The following PRKG1 variants were observed in gnomAD, a reference collection of about 807,000 sequenced individuals.
PRKG1 encodes cGMP-dependent protein kinase 1.
PRKG1 carries 35 observed loss-of-function variants against 88.1 expected under a neutral mutation model. That is an observed-to-expected ratio of 0.40 (90% CI 0.30 to 0.53). The LOEUF is 0.53. PRKG1 is among the 20% of genes least tolerant of loss of function. The probability of loss-of-function intolerance (pLI) is 0.59; values close to 1 mark genes in which losing one functional copy is unlikely to be tolerated. For synonymous variants in PRKG1, 303 were observed against 292.5 expected (o/e 1.04, Z -0.37); for missense variants, 540 against 839.8 (o/e 0.64, Z 4.41).
At chr10:51,129,739 T>C (rs1004450576) in intron 1 of PRKG1, among the ~76,000 whole-genome samples, 1 of 152,194 alleles carries the variant, frequency 6.6e-6, no homozygotes, top group African/African-American at 2.4e-5. Context: ...AGCATTGAAT[T>C]TGATGCCTTT....
At chr10:51,712,505 T>C (rs945157863) in intron 3 of PRKG1, among the ~76,000 whole-genome samples, 1 of 152,010 alleles carries the variant, frequency 6.6e-6, no homozygotes, top group East Asian at 1.9e-4. Flanking sequence ...ATTTGGAAAA[T>C]TGAAGATTTA....
chr10:52,023,568 C>A (rs1845245241), intron 5 of PRKG1, among the ~76,000 whole-genome samples: 1 of 152,244 alleles, frequency 6.6e-6, no homozygotes, highest in Admixed American at 6.5e-5. Context: ...CACATCCTCT[C>A]CAGCACCTGT....
chr10:52,054,310 T>G (rs962944575), intron 5 of PRKG1, among the ~76,000 whole-genome samples, 174 bp from the exon 6 acceptor site: 2 of 152,198 alleles, frequency 1.3e-5, no homozygotes, highest in African/African-American at 2.4e-5. Context: ...AGATGATATC[T>G]TTGTCATTAT....
rs763535016 is a variant in PRKG1, at chr10:51,991,272, T to G, written c.763-63212T>G. ...GTTTTCAATATGTAAGATTGTTCTG[T>G]CTGCAAACTGGGACAATTTTAATTC... On this transcript the variant is annotated intron_variant, in intron 5 of 17. Coordinates refer to ENST00000373980, the MANE Select transcript of PRKG1 (RefSeq NM_006258.4). 2.0e-4 allele frequency among the ~76,000 whole-genome samples: 31 copies of G among 152,170 alleles called. 1 individual carries two copies. Among genetic ancestry groups the G allele is most frequent in the Non-Finnish European group, 3.8e-4 (26 of 68,016 alleles).
chr10:51,132,258 C>T (rs1845584305), intron 1 of PRKG1, among the ~76,000 whole-genome samples: 1 of 152,186 alleles, frequency 6.6e-6, no homozygotes, highest in African/African-American at 2.4e-5. Flanking sequence ...AGCTAGTTAG[C>T]TGTTGCCTGC....
chr10:51,681,696 T>C (rs572338088), intron 3 of PRKG1, among the ~76,000 whole-genome samples: 81 of 152,252 alleles, frequency 5.3e-4, no homozygotes, highest in African/African-American at 1.9e-3. Context: ...CTTTTTTTAA[T>C]ACATATAATT....
At chr10:51,103,647 G>A (rs1207435174) in intron 1 of PRKG1, among the ~76,000 whole-genome samples, 4 of 152,112 alleles carry the variant, frequency 2.6e-5, no homozygotes, top group African/African-American at 7.2e-5. Context: ...AGTGGGATCC[G>A]GATGAGCTGA....
intron 2 of PRKG1, among the ~76,000 whole-genome samples, chr10:51,411,156 C>T (rs1188529068): frequency 2.0e-5 from 3 of 152,112 alleles, no homozygotes; most frequent in East Asian, 1.9e-4. Flanking sequence ...TGCACCACCA[C>T]GCTTGGCTAA....
At chr10:52,113,371 G>A (rs2132594140) in intron 7 of PRKG1, among the ~76,000 whole-genome samples, 1 of 152,094 alleles carries the variant, frequency 6.6e-6, no homozygotes, top group Non-Finnish European at 1.5e-5. Context: ...TGGATGAATG[G>A]ATGGATGGAT....
At chr10:51,780,848 C>T (rs1296507198) in intron 3 of PRKG1, among the ~76,000 whole-genome samples, 1 of 152,198 alleles carries the variant, frequency 6.6e-6, no homozygotes, top group African/African-American at 2.4e-5. Context: ...CATTTGTAAA[C>T]CAAGAAGATG....
intron 9 of PRKG1, among the ~76,000 whole-genome samples, chr10:52,230,097 A>G (rs1269987254): frequency 6.6e-6 from 1 of 152,218 alleles, no homozygotes; most frequent in African/African-American, 2.4e-5. Context: ...AAAAACACCA[A>G]TTAGAACATT....
chr10:51,195,757 A>C (rs1198786230), intron 2 of PRKG1, among the ~76,000 whole-genome samples: 2 of 150,720 alleles, frequency 1.3e-5, no homozygotes, highest in Non-Finnish European at 2.9e-5. Flanking sequence ...CATAAGTCTT[A>C]TTTTACTTGA....
At chr10:51,268,935 G>C (rs1019236434) in intron 2 of PRKG1, among the ~76,000 whole-genome samples, 3 of 152,094 alleles carry the variant, frequency 2.0e-5, no homozygotes, top group Non-Finnish European at 4.4e-5. Context: ...CACCATCCAC[G>C]TTCTTCTGCC....
rs577003757 is a variant in PRKG1 at position 51,695,820 on chromosome 10, A to C, written c.593-108765A>C. 8 of 152,340 alleles carry C rather than the reference A, an allele frequency of 5.3e-5. No individual in the cohort carries two copies. In the South Asian group the frequency reaches 1.0e-3, roughly 20 times the overall value. 9.4% of individuals were successfully genotyped at this position (152,340 alleles called of 1,614,324 possible). A position where few individuals can be genotyped will look rare whatever the true frequency, so the allele number is the denominator to read the frequency against. On this transcript the variant is annotated intron_variant, in intron 3 of 17. Coordinates refer to ENST00000373980, the MANE Select transcript of PRKG1 (RefSeq NM_006258.4). ...CTAATTTAAAGTGTAAAAATTTTGC[A>C]AAGGGAAGATAACTCAATTTCTACA...
chr10:52,070,212 C>A (rs1350530865), intron 7 of PRKG1, among the ~76,000 whole-genome samples: 1 of 152,154 alleles, frequency 6.6e-6, no homozygotes, highest in Non-Finnish European at 1.5e-5. Flanking sequence ...TGTAACCCAC[C>A]TCATTTCTTT....
intron 9 of PRKG1, among the ~76,000 whole-genome samples, chr10:52,204,248 C>A (rs1326952047): frequency 2.6e-5 from 4 of 152,040 alleles, no homozygotes; most frequent in African/African-American, 9.7e-5. Flanking sequence ...CAGGCATGTG[C>A]CACTTGCCTA....
Position 51,477,789 on chromosome 10 carries a change from A to C in PRKG1, c.592+9953A>C, listed in dbSNP as rs143388867. ...AGCACAATTTGAAACCCATAGATACAGAAGTATAAGAAAAAAGGGCCACGA... is the reference window on the plus strand; with the variant it reads ...AGCACAATTTGAAACCCATAGATACCGAAGTATAAGAAAAAAGGGCCACGA... On this transcript the variant is annotated intron_variant, in intron 3 of 17. Coordinates refer to ENST00000373980, the MANE Select transcript of PRKG1 (RefSeq NM_006258.4). 3.3e-5 allele frequency among the ~76,000 whole-genome samples: 5 copies of C among 152,174 alleles called. No homozygotes were observed. The East Asian group carries it at 9.7e-4, about 29-fold the overall frequency.
chr10:51,746,209 T>C (rs1396500015), intron 3 of PRKG1, among the ~76,000 whole-genome samples: 2 of 152,082 alleles, frequency 1.3e-5, no homozygotes, highest in African/African-American at 2.4e-5. Flanking sequence ...ATACACACTG[T>C]GTGCCATTAT....
At chr10:51,398,481 C>A (rs1837641944) in intron 2 of PRKG1, among the ~76,000 whole-genome samples, 3 of 152,124 alleles carry the variant, frequency 2.0e-5, no homozygotes. Flanking sequence ...ATTTGAGGAC[C>A]CCTGCCTTAA....
Sources: allele counts gnomAD v4.1 joint callset (sites outside exome capture counted in the v4.1 genomes callset), GRCh38; gene constraint gnomAD v4.1.1; transcripts MANE v1.5; gene names NCBI Gene and HGNC (gene_info 2026-07-23, HGNC 2026-07-21).